Variants in NDUFV3 observed in about 807,000 individuals in gnomAD.
NDUFV3 encodes the protein NADH dehydrogenase [ubiquinone] flavoprotein 3, mitochondrial.
NDUFV3 carries 44 observed loss-of-function variants against 37.5 expected under a neutral mutation model. That is an observed-to-expected ratio of 1.17 (90% confidence interval 0.92 to 1.51). The LOEUF (loss-of-function observed/expected upper bound fraction) is 1.51, where lower values mean the gene tolerates loss of function less well. Ranked by LOEUF, NDUFV3 falls within the 40% of genes most tolerant of loss-of-function variation. The pLI is 0.00. For synonymous variants in NDUFV3, 235 were observed against 239.3 expected, an observed-to-expected ratio of 0.98 and a Z score of 0.17; for missense variants, 580 against 580.4, an observed-to-expected ratio of 1.00 and a Z score of 0.01.
Position 42,906,198 on chromosome 21 carries a change from G to A in NDUFV3, c.1264+1922G>A, listed in dbSNP as rs564189646. 6.6e-5 allele frequency among the ~76,000 whole-genome samples: 10 copies of A among 152,264 alleles called. No homozygotes were observed. The East Asian group carries it at 1.2e-3, about 18-fold the overall frequency. ...TTTTCTTGAGCACGAAACTTGATAA[G>A]ATGCAATGCGCTTTAGGTGGGTCGT... is the stretch of plus-strand genomic sequence containing the variant. On this transcript the variant is annotated intron_variant, in intron 3 of 3. Coordinates refer to ENST00000354250, the MANE Select transcript of NDUFV3 (RefSeq NM_021075.4).
intron 2 of NDUFV3, among the ~76,000 whole-genome samples, chr21:42,898,845 C>T (rs957795965): frequency 1.3e-5 from 2 of 152,232 alleles, no homozygotes; most frequent in Non-Finnish European, 2.9e-5. Flanking sequence ...TAACATTATC[C>T]TCTCCTTTGG....
At chr21:42,894,973 T>C (rs1601211664) in intron 1 of NDUFV3, among the ~76,000 whole-genome samples, 1 of 152,306 alleles carries the variant, frequency 6.6e-6, no homozygotes, top group East Asian at 1.9e-4. Context: ...TTGTAGACAC[T>C]TTTGAAGCAG....
chr21:42,893,627 G>A (rs2058668121), intron 1 of NDUFV3, among the ~76,000 whole-genome samples: 1 of 152,188 alleles, frequency 6.6e-6, no homozygotes, highest in Admixed American at 6.5e-5. Flanking sequence ...CCCAGGCCGA[G>A]GCTGGCGTGC....
intron 2 of NDUFV3, among the ~76,000 whole-genome samples, chr21:42,899,516 C>G (rs1388237797): frequency 6.6e-6 from 1 of 152,118 alleles, no homozygotes; most frequent in Non-Finnish European, 1.5e-5. Flanking sequence ...ACGATCTCGG[C>G]TCACTGCAAC....
In NDUFV3 at chr21:42,903,783, GT is replaced by G; in HGVS notation, c.776del (p.Leu259Ter). ...TMPRSQVDEE[F>X]LKQSLKEKQL... Reference sequence around the variant, plus strand: ...TGCCCAGATCTCAAGTAGATGAAGAGTTTTTGAAGCAAAGTTTAAAGGAAAA... The same window carrying G: ...TGCCCAGATCTCAAGTAGATGAAGAGTTTTGAAGCAAAGTTTAAAGGAAAA... On this transcript the variant is annotated frameshift_variant, in exon 3 of 4. Coordinates refer to ENST00000354250, the MANE Select transcript of NDUFV3 (RefSeq NM_021075.4). LOFTEE classifies it high-confidence loss of function. 1 of 1,614,158 alleles carries G rather than the reference GT, an allele frequency of 6.2e-7. No homozygotes were observed. Among genetic ancestry groups the G allele is most frequent in the Non-Finnish European group, 8.5e-7 (1 of 1,180,038 alleles).
At chr21:42,894,495 A>T (rs1324081407) in intron 1 of NDUFV3, among the ~76,000 whole-genome samples, 1 of 62,862 alleles carries the variant, frequency 1.6e-5, no homozygotes, top group East Asian at 2.4e-4. Flanking sequence ...ATATTTATAT[A>T]ATATATAATA....
chr21:42,907,999 A>G lies in NDUFV3; in HGVS notation c.1265-865A>G, dbSNP rs1380258598. 3.9e-5 allele frequency among the ~76,000 whole-genome samples: 6 copies of G among 152,022 alleles called. No individual in the cohort carries two copies. The East Asian group carries it at 1.2e-3, about 29-fold the overall frequency. On this transcript the variant is annotated intron_variant, in intron 3 of 3. Coordinates refer to ENST00000354250, the MANE Select transcript of NDUFV3 (RefSeq NM_021075.4). ...CTTTTGAGAAGCCTAGAAGTATACA[A>G]ACTAAGATGTTAAGACACGTTGTAT...
intron 2 of NDUFV3, among the ~76,000 whole-genome samples, chr21:42,897,688 T>A (rs1252765126): frequency 1.3e-5 from 2 of 151,810 alleles, no homozygotes; most frequent in Non-Finnish European, 2.9e-5. Flanking sequence ...CTTTAATTCT[T>A]TTTTTTGAGA....
intron 1 of NDUFV3, 33 bp from the exon 2 acceptor site, chr21:42,896,894 C>G (rs2058693942): frequency 6.2e-7 from 1 of 1,600,906 alleles, no homozygotes; most frequent in Non-Finnish European, 8.6e-7. Context: ...TGGCATTACT[C>G]TAAACATCCA....
At chr21:42,898,184 T>A (rs534156491) in intron 2 of NDUFV3, among the ~76,000 whole-genome samples, 2 of 152,342 alleles carry the variant, frequency 1.3e-5, no homozygotes, top group African/African-American at 4.8e-5. Context: ...CCTCTCACAG[T>A]GTGTGGACTT....
chr21:42,900,945 T>C (rs2058715591), intron 2 of NDUFV3, among the ~76,000 whole-genome samples: 1 of 152,176 alleles, frequency 6.6e-6, no homozygotes, highest in Non-Finnish European at 1.5e-5. Context: ...GCTGTTTCCT[T>C]GAATCCAGTA....
chr21:42,901,931 G>A (rs565546296), intron 2 of NDUFV3, among the ~76,000 whole-genome samples: 134 of 152,280 alleles, frequency 8.8e-4, no homozygotes, highest in African/African-American at 2.9e-3. Flanking sequence ...ATAAAATGCC[G>A]GGCACGGTGG....
intron 3 of NDUFV3, among the ~76,000 whole-genome samples, chr21:42,907,336 G>A (rs1431822406): frequency 1.3e-5 from 2 of 152,134 alleles, no homozygotes; most frequent in African/African-American, 4.8e-5. Context: ...AGGCTGGAGT[G>A]CAGTGATGTG....
chr21:42,895,657 A>AC lies in NDUFV3; in HGVS notation c.49-1270_49-1269insC, dbSNP rs2058687112. 1.1e-4 allele frequency among the ~76,000 whole-genome samples: 17 copies of AC among 151,840 alleles called. No homozygotes were observed. In the South Asian group the frequency reaches 3.5e-3, roughly 32 times the overall value. On this transcript the variant is annotated intron_variant, in intron 1 of 3. Transcript: ENST00000354250. ...TCAGAGTGAGACCCTGTCTCCAAAA[A>AC]AAAAAAAAAGAAAAGAAAAAAGAAG...
At chr21:42,899,610 A>C (rs1418572601) in intron 2 of NDUFV3, among the ~76,000 whole-genome samples, 1 of 152,124 alleles carries the variant, frequency 6.6e-6, no homozygotes, top group African/African-American at 2.4e-5. Context: ...AAACCCGGCA[A>C]ATTTTTCTGT....
Position 42,903,595 on chromosome 21 carries a change from G to A in NDUFV3, c.583G>A (p.Glu195Lys), listed in dbSNP as rs1485865156. The change falls in exon 3 of 4, where the codon GAA becomes AAA. Residue 195 changes from glutamate (E) to lysine (K), a missense_variant. By Grantham distance (56) the Glu-to-Lys change is moderately conservative. Coordinates refer to ENST00000354250, the MANE Select transcript of NDUFV3 (RefSeq NM_021075.4). Reference sequence around the variant, plus strand: ...AAAACCAGAGGCCTCTCATTCCTTTGAAAACAGAGCCCCCCGAGTTACAGT... The same window carrying A: ...AAAACCAGAGGCCTCTCATTCCTTTAAAAACAGAGCCCCCCGAGTTACAGT... Reference protein sequence around the residue: ...LRKPEASHSFENRAPRVTVSA... With the variant: ...LRKPEASHSFKNRAPRVTVSA... 1 of 1,613,838 alleles carries A rather than the reference G, an allele frequency of 6.2e-7. No homozygotes were observed. Among genetic ancestry groups the A allele is most frequent in the Non-Finnish European group, 8.5e-7 (1 of 1,180,032 alleles).
chr21:42,896,471 G>A (rs961849479), intron 1 of NDUFV3, among the ~76,000 whole-genome samples: 4 of 151,704 alleles, frequency 2.6e-5, no homozygotes, highest in African/African-American at 9.7e-5. Flanking sequence ...ATTTTTAGTA[G>A]AGACGGGGTT....
At chr21:42,904,387 C>G in intron 3 of NDUFV3, 111 bp downstream of exon 3, 1 of 1,438,722 alleles carries the variant, frequency 7.0e-7, no homozygotes, top group South Asian at 1.2e-5. Context: ...AAATTCTGTA[C>G]TAGAAATATG....
chr21:42,911,829 G>A lies in NDUFV3; in HGVS notation c.*2808G>A, dbSNP rs946980326. 1.3e-4 allele frequency: 20 copies of A among 152,096 alleles called. No homozygotes were observed. Among genetic ancestry groups the A allele is most frequent in the African/African-American group, 4.1e-4 (17 of 41,420 alleles). 9.4% of individuals were successfully genotyped at this position (152,096 alleles called of 1,614,324 possible). ...TTTAATAGTTCTCAAGCTGGGATCCGTGGAACTACTGTGATGGGCGGTGAT... is the reference window on the plus strand; with the variant it reads ...TTTAATAGTTCTCAAGCTGGGATCCATGGAACTACTGTGATGGGCGGTGAT... On this transcript the variant is annotated 3_prime_UTR_variant, in exon 4 of 4. Coordinates refer to ENST00000354250, the MANE Select transcript of NDUFV3 (RefSeq NM_021075.4).
Sources: gnomAD v4.1 joint callset for allele counts (sites outside exome capture counted in the v4.1 genomes callset) on GRCh38, gnomAD v4.1.1 for gene constraint, MANE v1.5 for transcripts, NCBI Gene and HGNC (gene_info 2026-07-23, HGNC 2026-07-21) for gene names.